Variants in GAS7 observed in about 807,000 individuals in gnomAD.
GAS7 encodes growth arrest-specific protein 7.
Under a neutral mutation model 71.1 loss-of-function variants are expected in GAS7, and 28 were observed. That is an observed-to-expected ratio of 0.39 (90% CI 0.29 to 0.54). The LOEUF (loss-of-function observed/expected upper bound fraction) is 0.54. GAS7 is among the 20% of genes least tolerant of loss of function. GAS7 has a pLI of 0.62. For synonymous variants in GAS7, 258 were observed against 245.8 expected, an observed-to-expected ratio of 1.05 and a Z score of -0.46; for missense variants, 436 against 627.8, an observed-to-expected ratio of 0.69 and a Z score of 3.27.
At chr17:10,000,806 G>C (rs7208468) in intron 2 of GAS7, among the ~76,000 whole-genome samples, 35,811 of 152,006 alleles carry the variant, frequency 0.24, 6,432 homozygotes, top group African/African-American at 0.51. Context: ...CTTTGCGTCT[G>C]CTCTGTCTTC....
intron 1 of GAS7, among the ~76,000 whole-genome samples, chr17:10,190,919 T>C (rs1023209127): frequency 6.6e-6 from 1 of 151,570 alleles, no homozygotes; most frequent in Admixed American, 6.6e-5. Flanking sequence ...TTCACGCCTG[T>C]AATCCCAGCA....
At position 9,939,610 on chromosome 17, in the gene GAS7, G is replaced by A. The variant is rs566592094; in HGVS notation, c.806+516C>T. 3.3e-5 allele frequency among the ~76,000 whole-genome samples: 5 copies of A among 149,732 alleles called. No individual in the cohort carries two copies. The East Asian group carries it at 9.7e-4, about 29-fold the overall frequency. ...TCACTAAAGAGAAGACAATGTGGAA[G>A]TGCCTTTTTTTTTTTTTGAGACGGA... On this transcript the variant is annotated intron_variant, in intron 8 of 13. Coordinates refer to ENST00000432992, the MANE Select transcript of GAS7 (RefSeq NM_201433.2).
intron 1 of GAS7, among the ~76,000 whole-genome samples, chr17:10,032,239 C>G (rs1020146712): frequency 6.6e-6 from 1 of 152,114 alleles, no homozygotes; most frequent in Non-Finnish European, 1.5e-5. Flanking sequence ...CCGGTTCCAG[C>G]TTCTGGATTC....
intron 11 of GAS7, among the ~76,000 whole-genome samples, chr17:9,922,021 C>T (rs374517174): frequency 1.3e-5 from 2 of 151,308 alleles, no homozygotes; most frequent in African/African-American, 4.9e-5. Flanking sequence ...GCTATGTAAT[C>T]GTAGACAAGT....
chr17:10,055,141 G>A (rs556410647), intron 1 of GAS7, among the ~76,000 whole-genome samples: 1 of 152,198 alleles, frequency 6.6e-6, no homozygotes, highest in South Asian at 2.1e-4. Flanking sequence ...CCTGGGGTAG[G>A]ATAGTGCACA....
chr17:10,191,961 C>T (rs2074505642), intron 1 of GAS7, among the ~76,000 whole-genome samples: 1 of 151,422 alleles, frequency 6.6e-6, no homozygotes, highest in Non-Finnish European at 1.5e-5. Flanking sequence ...ATCTGAAAAC[C>T]AGCTCCAAGC....
Position 10,046,844 on chromosome 17 carries a change from GGAAAGAAA to G in GAS7, c.184-26955_184-26948del, listed in dbSNP as rs1281835832. Among the ~76,000 whole-genome samples the G allele has an allele frequency of 1.2e-4, 10 of 80,902 alleles. 3 individuals carry two copies. Among genetic ancestry groups the G allele is most frequent in the African/African-American group, 6.5e-4 (10 of 15,394 alleles). 53.1% of individuals were successfully genotyped at this position (80,902 alleles called of 152,430 possible). A position where few individuals can be genotyped will look rare whatever the true frequency, so the allele number is the denominator to read the frequency against. On this transcript the variant is annotated intron_variant, in intron 1 of 13. Transcript: ENST00000432992. The stretch of plus-strand genomic sequence containing the variant: ...AGGAAGGAAGGAAGGAAGGAAGGAA[GGAAAGAAA>G]AGAAAAGAAAAAAGAAAAGAAAAGG...
At chr17:9,921,157 CTTTTT>C (rs962798348) in intron 11 of GAS7, among the ~76,000 whole-genome samples, 1 of 137,420 alleles carries the variant, frequency 7.3e-6, no homozygotes. Context: ...GCATTTTTTT[CTTTTT>C]TTTTTTTTTT....
chr17:9,919,700 C>T lies in GAS7; in HGVS notation c.1144G>A (p.Asp382Asn), dbSNP rs2067724118. ...ARRKSTQAGD[D>N]LMRCVDLYNQ... is the part of the protein sequence containing the mutation. ...TAGAGATCCACACAGCGCATGAGGT[C>T]GTCTCCTGGAAAAAGACCACAGTCA... The change falls in exon 12 of 14, where the codon GAC (aspartate) becomes AAC (asparagine). Residue 382 changes from aspartate to asparagine, a missense_variant. Transcript: ENST00000432992. This position sits in a 1 kb window ranked among gnomAD's most constrained non-coding sequence, Gnocchi z 5.0. The T allele has an allele frequency of 1.9e-6, 3 of 1,612,504 alleles. No individual in the cohort carries two copies. Among genetic ancestry groups the T allele is most frequent in the South Asian group, 1.1e-5 (1 of 91,038 alleles).
chr17:10,152,744 G>A (rs529811116), intron 1 of GAS7, among the ~76,000 whole-genome samples: 24 of 152,212 alleles, frequency 1.6e-4, no homozygotes, highest in Admixed American at 1.4e-3. Context: ...TGCAGGTGCC[G>A]CTTAGGTGCC....
chr17:9,966,582 C>T (rs1010989219), intron 4 of GAS7, among the ~76,000 whole-genome samples: 3 of 152,198 alleles, frequency 2.0e-5, no homozygotes, highest in African/African-American at 7.2e-5. Flanking sequence ...GGGTCTATAC[C>T]TGGGGACCCT....
intron 1 of GAS7, among the ~76,000 whole-genome samples, chr17:10,075,393 C>CCATTAAA (rs1237722342): frequency 6.6e-6 from 1 of 151,808 alleles, no homozygotes; most frequent in African/African-American, 2.4e-5. Context: ...AAATAAACTT[C>CCATTAAA]ATACTTAATG....
rs1413355529 is a variant in GAS7 at position 10,034,726 on chromosome 17, G to A, written c.184-14829C>T. ...CATCATGTCTAGGAGGCATCTGACTGTTCCTGAAACGTGGGCTGTGCCCCA... is the reference window on the plus strand; with the variant it reads ...CATCATGTCTAGGAGGCATCTGACTATTCCTGAAACGTGGGCTGTGCCCCA... On this transcript the variant is annotated intron_variant, in intron 1 of 13. Transcript: ENST00000432992. This position sits in a 1 kb window ranked among gnomAD's most constrained non-coding sequence, Gnocchi z 4.4. Among the ~76,000 whole-genome samples, 3 of 152,224 alleles carry A rather than the reference G, an allele frequency of 2.0e-5. No individual in the cohort carries two copies. Among genetic ancestry groups the A allele is most frequent in the Non-Finnish European group, 4.4e-5 (3 of 68,042 alleles).
intron 1 of GAS7, among the ~76,000 whole-genome samples, chr17:10,116,544 T>C (rs952503808): frequency 1.3e-5 from 2 of 152,158 alleles, no homozygotes; most frequent in East Asian, 1.9e-4. Context: ...GACCAGCAGA[T>C]AGCACCAGCC....
chr17:10,164,075 T>A (rs1451634684), intron 1 of GAS7, among the ~76,000 whole-genome samples: 1 of 152,146 alleles, frequency 6.6e-6, no homozygotes, highest in Non-Finnish European at 1.5e-5. Flanking sequence ...CTTCACCTGG[T>A]CTGACGTCAT....
intron 5 of GAS7, among the ~76,000 whole-genome samples, chr17:9,956,970 G>T (rs1245875702): frequency 6.6e-6 from 1 of 152,192 alleles, no homozygotes; most frequent in African/African-American, 2.4e-5. Context: ...AAGGGAAAAG[G>T]CACCAAGGCC....
intron 1 of GAS7, among the ~76,000 whole-genome samples, chr17:10,143,688 G>A (rs1405145673): frequency 6.6e-6 from 1 of 152,214 alleles, no homozygotes; most frequent in Non-Finnish European, 1.5e-5. Context: ...AGGACCACGT[G>A]AGGACACATG....
In GAS7 at chr17:10,178,702, C is replaced by CTTT. The variant is rs397857157; in HGVS notation, c.183+19503_183+19505dup. Among the ~76,000 whole-genome samples, 216 of 34,604 alleles carry CTTT rather than the reference C, an allele frequency of 6.2e-3. 63 individuals carry two copies. Among genetic ancestry groups the CTTT allele is most frequent in the African/African-American group, 9.1e-3 (76 of 8,358 alleles). The allele number at this position is 34,604 out of a possible 152,430, so 22.7% of individuals were successfully genotyped here. A position where few individuals can be genotyped will look rare whatever the true frequency, so the allele number is the denominator to read the frequency against. The stretch of plus-strand genomic sequence containing the variant: ...TCAACTCCCCTCCCTCCCCCACCAC[C>CTTT]TTTTTTTTTTTTTTTTTTTTTTTTT... On this transcript the variant is annotated intron_variant, in intron 1 of 13. Transcript: ENST00000432992.
At chr17:10,020,709 C>T (rs1034082098) in intron 1 of GAS7, among the ~76,000 whole-genome samples, 40 of 151,972 alleles carry the variant, frequency 2.6e-4, no homozygotes, top group African/African-American at 2.7e-4. Flanking sequence ...CTCAGGAGTT[C>T]GCGACCAGCC....
Sources: allele counts gnomAD v4.1 joint callset (sites outside exome capture counted in the v4.1 genomes callset), GRCh38; gene constraint gnomAD v4.1.1; non-coding constraint Gnocchi (gnomAD v3.1); transcripts MANE v1.5; gene names NCBI Gene and HGNC (gene_info 2026-07-23, HGNC 2026-07-21).